The following CHST3 variants were observed in gnomAD, a reference collection of about 807,000 sequenced individuals.
CHST3 encodes the protein C6ST-1.
A neutral mutation model predicts 35.4 loss-of-function variants in CHST3; 20 were observed. That is an observed-to-expected ratio of 0.57 (90% CI 0.40 to 0.82). The LOEUF (loss-of-function observed/expected upper bound fraction) is 0.82. Among genes scored for constraint, CHST3 ranks in the 40% least tolerant of loss-of-function variants. The probability of loss-of-function intolerance (pLI) is 0.00; values close to 1 mark genes in which losing one functional copy is unlikely to be tolerated. For synonymous variants in CHST3, 334 were observed against 295.9 expected (o/e 1.13, Z -1.32); for missense variants, 693 against 670.1 (o/e 1.03, Z -0.38).
Position 72,008,766 on chromosome 10 carries a change from A to C in CHST3, c.*295A>C. ...GCTTCGATCTCACACACACAGAAAC[A>C]TACATTCGTGCCTGGAGACCCTGCA... On this transcript the variant is annotated 3_prime_UTR_variant, in exon 3 of 3. Transcript: ENST00000373115. The C allele has an allele frequency of 8.6e-6, 3 of 347,120 alleles. No homozygotes were observed. The highest frequency in any genetic ancestry group is 1.0e-5 in the Non-Finnish European group (2 of 193,908). 21.5% of individuals were successfully genotyped at this position (347,120 alleles called of 1,614,324 possible). A position where few individuals can be genotyped will look rare whatever the true frequency, so the allele number is the denominator to read the frequency against.
chr10:71,987,208 G>A (rs1479612848), intron 1 of CHST3, among the ~76,000 whole-genome samples: 3 of 151,936 alleles, frequency 2.0e-5, no homozygotes, highest in South Asian at 2.1e-4. Flanking sequence ...CTCCCTAACC[G>A]CTGCTTCTCC....
rs1376216564 is a variant in CHST3, at chr10:72,009,113, G to A, written c.*642G>A. The A allele has an allele frequency of 6.6e-6, 1 of 152,254 alleles. No homozygotes were observed. Among genetic ancestry groups the A allele is most frequent in the East Asian group, 1.9e-4 (1 of 5,200 alleles). 9.4% of individuals were successfully genotyped at this position (152,254 alleles called of 1,614,324 possible). A position where few individuals can be genotyped will look rare whatever the true frequency, so the allele number is the denominator to read the frequency against. ...CACATGCGTATAGACATACATACAT[G>A]TACACCATACATAGACAAGCATCAT... is the stretch of plus-strand genomic sequence containing the variant. On this transcript the variant is annotated 3_prime_UTR_variant, in exon 3 of 3. Coordinates refer to ENST00000373115, the MANE Select transcript of CHST3 (RefSeq NM_004273.5).
intron 1 of CHST3, among the ~76,000 whole-genome samples, chr10:71,980,967 A>C (rs1210779542): frequency 1.3e-5 from 2 of 152,210 alleles, no homozygotes; most frequent in Non-Finnish European, 2.9e-5. Flanking sequence ...GCCCTAGTTG[A>C]ATTCCCTGCC....
chr10:71,987,454 C>A (rs1839858984), intron 1 of CHST3, among the ~76,000 whole-genome samples: 1 of 152,120 alleles, frequency 6.6e-6, no homozygotes, highest in Admixed American at 6.5e-5. Flanking sequence ...TGACTCACAT[C>A]TGTAATCCCA....
At position 72,013,278 on chromosome 10, in the gene CHST3, A is replaced by C. The variant is rs563904964; in HGVS notation, c.*4807A>C. On this transcript the variant is annotated 3_prime_UTR_variant, in exon 3 of 3. Transcript: ENST00000373115. ...CACGGCATACACTGCCATGGTATGT[A>C]CATATGCATCCACGTGTGTGTATGT... 4.1e-4 allele frequency: 62 copies of C among 152,394 alleles called. No individual in the cohort carries two copies. Among genetic ancestry groups the C allele is most frequent in the African/African-American group, 1.3e-3 (52 of 41,584 alleles). 9.4% of individuals were successfully genotyped at this position (152,394 alleles called of 1,614,324 possible).
In CHST3 at chr10:72,007,693, G is replaced by T; in HGVS notation, c.662G>T (p.Arg221Leu). 1.9e-6 allele frequency: 3 copies of T among 1,607,442 alleles called. No homozygotes were observed. The highest frequency in any genetic ancestry group is 1.7e-6 in the Non-Finnish European group (2 of 1,179,518). ...PEDHLTQFMF[R>L]RGSSRSLCED... ...GACCACCTGACTCAGTTCATGTTCC[G>T]CCGGGGCTCCAGCCGCTCCCTGTGC... is the stretch of plus-strand genomic sequence containing the variant. Residue 221 changes from arginine (R) to leucine (L), a missense_variant, in exon 3 of 3, where the codon CGC (arginine) becomes CTC (leucine). Arg to Leu is a moderately radical substitution (Grantham distance 102, BLOSUM62 -2). Transcript: ENST00000373115.
At chr10:71,989,679 C>G (rs899241503) in intron 1 of CHST3, among the ~76,000 whole-genome samples, 1 of 152,098 alleles carries the variant, frequency 6.6e-6, no homozygotes, top group Non-Finnish European at 1.5e-5. Flanking sequence ...AACATGGTAA[C>G]AAATTTAAAC....
chr10:72,005,751 C>T lies in CHST3; in HGVS notation c.-92C>T. The stretch of plus-strand genomic sequence containing the variant: ...CTCTCCGCAGGACAAGGGTGTCCCC[C>T]ACCTGAAGACGGCAAGCTGGGTCCT... On this transcript the variant is annotated 5_prime_UTR_variant, in exon 2 of 3. Transcript: ENST00000373115. The T allele has an allele frequency of 5.8e-6, 9 of 1,540,066 alleles. No individual in the cohort carries two copies. The highest frequency in any genetic ancestry group is 8.1e-6 in the Non-Finnish European group (9 of 1,116,260).
intron 1 of CHST3, among the ~76,000 whole-genome samples, chr10:71,967,157 T>A (rs1839639483): frequency 6.6e-6 from 1 of 152,082 alleles, no homozygotes. Flanking sequence ...GCCTGACTAA[T>A]TTTTTTGTAT....
intron 1 of CHST3, among the ~76,000 whole-genome samples, chr10:71,972,833 G>A (rs1230163302): frequency 2.0e-5 from 3 of 152,132 alleles, no homozygotes; most frequent in Non-Finnish European, 4.4e-5. Flanking sequence ...TGGCTTGGAT[G>A]CCACCTTCTC....
At chr10:71,986,564 T>G (rs926762135) in intron 1 of CHST3, among the ~76,000 whole-genome samples, 4 of 152,206 alleles carry the variant, frequency 2.6e-5, no homozygotes, top group African/African-American at 9.7e-5. Flanking sequence ...GGAAATTGAC[T>G]TGCCCTCTTA....
chr10:71,993,462 C>T (rs1350866481), intron 1 of CHST3, among the ~76,000 whole-genome samples: 2 of 152,320 alleles, frequency 1.3e-5, no homozygotes, highest in African/African-American at 2.4e-5. Context: ...CCTCCATCCA[C>T]TTCTTAGCAT....
At chr10:72,002,852 A>G (rs1840006436) in intron 1 of CHST3, among the ~76,000 whole-genome samples, 1 of 152,130 alleles carries the variant, frequency 6.6e-6, no homozygotes, top group Non-Finnish European at 1.5e-5. Flanking sequence ...CAGCCTCACC[A>G]TTGATTTTTG....
chr10:71,986,218 T>A (rs1328779161), intron 1 of CHST3, among the ~76,000 whole-genome samples: 3 of 152,176 alleles, frequency 2.0e-5, no homozygotes, highest in Non-Finnish European at 4.4e-5. Flanking sequence ...AGCGCCAGGG[T>A]AGTGAAGTTG....
At chr10:72,005,661 A>G in intron 1 of CHST3, 75 bp from the exon 2 acceptor site, 1 of 727,028 alleles carries the variant, frequency 1.4e-6, no homozygotes, top group East Asian at 2.7e-5. Flanking sequence ...GAGATCCTCA[A>G]AAGTCTGGTG....
intron 1 of CHST3, among the ~76,000 whole-genome samples, chr10:71,989,471 C>A (rs1283706064): frequency 6.6e-6 from 1 of 152,018 alleles, no homozygotes; most frequent in Non-Finnish European, 1.5e-5. Flanking sequence ...AAGTTGGAAA[C>A]CTGATACAGT....
chr10:71,971,977 T>TTTTC (rs1433998623), intron 1 of CHST3, among the ~76,000 whole-genome samples: 2 of 152,128 alleles, frequency 1.3e-5, no homozygotes, highest in Non-Finnish European at 2.9e-5. Flanking sequence ...TCTCTTTCAC[T>TTTTC]TTTCTTCCTT....
chr10:71,970,570 G>A (rs1296698593), intron 1 of CHST3, among the ~76,000 whole-genome samples: 2 of 152,162 alleles, frequency 1.3e-5, no homozygotes, highest in Admixed American at 6.5e-5. Context: ...TCCTTGTGCT[G>A]CAGGGACGCT....
chr10:71,973,373 C>T (rs757574650), intron 1 of CHST3, among the ~76,000 whole-genome samples: 29 of 152,224 alleles, frequency 1.9e-4, no homozygotes, highest in Non-Finnish European at 3.7e-4. Flanking sequence ...GGGCCCACTG[C>T]TCAACCCCAC....
Sources: gnomAD v4.1 joint callset for allele counts (sites outside exome capture counted in the v4.1 genomes callset) on GRCh38, gnomAD v4.1.1 for gene constraint, MANE v1.5 for transcripts, NCBI Gene and HGNC (gene_info 2026-07-23, HGNC 2026-07-21) for gene names.